The following RNF182 variants were observed in gnomAD, a reference collection of about 807,000 sequenced individuals.
RNF182 encodes ring finger protein 182, also known as E3 ubiquitin-protein ligase RNF182.
RNF182 carries 15 observed loss-of-function variants against 14.4 expected under a neutral mutation model. The ratio of observed to expected loss-of-function variants is 1.04; its 90% CI spans 0.70 to 1.60. RNF182 has a LOEUF of 1.60. Among genes scored for constraint, RNF182 ranks in the 40% most tolerant of loss-of-function variants. The pLI, the probability that RNF182 is intolerant of heterozygous loss-of-function variation, is 0.00. For synonymous variants in RNF182, 128 were observed against 122.9 expected (o/e 1.04, Z -0.27); for missense variants, 268 against 294.8 (o/e 0.91, Z 0.67).
chr6:13,971,438 T>A (rs919678431), intron 1 of RNF182, among the ~76,000 whole-genome samples: 1 of 152,160 alleles, frequency 6.6e-6, no homozygotes, highest in Non-Finnish European at 1.5e-5. Context: ...TATAAATTAC[T>A]TAGTCTTGGG....
chr6:13,957,261 A>G (rs529492012), intron 1 of RNF182, among the ~76,000 whole-genome samples: 26 of 152,344 alleles, frequency 1.7e-4, no homozygotes, highest in Non-Finnish European at 2.9e-4. Flanking sequence ...ATATATGTCA[A>G]TCAACAATGC....
intron 1 of RNF182, among the ~76,000 whole-genome samples, chr6:13,966,055 T>C (rs1239832328): frequency 6.6e-6 from 1 of 152,170 alleles, no homozygotes; most frequent in Non-Finnish European, 1.5e-5. Context: ...GTTTTAAGCT[T>C]TAAGACAAGA....
intron 1 of RNF182, among the ~76,000 whole-genome samples, chr6:13,954,740 TG>T (rs1466475249): frequency 2.6e-5 from 4 of 152,196 alleles, no homozygotes; most frequent in Non-Finnish European, 5.9e-5. Flanking sequence ...CTGGATCCTT[TG>T]TCCTGTAGAA....
At chr6:13,930,510 G>A (rs571618272) in intron 1 of RNF182, among the ~76,000 whole-genome samples, 13 of 152,286 alleles carry the variant, frequency 8.5e-5, no homozygotes, top group African/African-American at 2.9e-4. Flanking sequence ...AGGACTAAGT[G>A]ATACTCCCTT....
chr6:13,978,064 G>T lies in RNF182; in HGVS notation c.*201G>T. On this transcript the variant is annotated 3_prime_UTR_variant, in exon 3 of 3. Transcript: ENST00000488300. ...TTTCTACTTAGGGGTTAGCAAAATT[G>T]TATAAGCTCACACTTCATGGAGCAC... is the stretch of plus-strand genomic sequence containing the variant. 6 of 568,634 alleles carry T rather than the reference G, an allele frequency of 1.1e-5. No homozygotes were observed. The highest frequency in any genetic ancestry group is 3.1e-5 in the East Asian group (1 of 32,498). 35.2% of individuals were successfully genotyped at this position (568,634 alleles called of 1,614,324 possible).
chr6:13,970,152 G>A (rs1328162598), intron 1 of RNF182, among the ~76,000 whole-genome samples: 1 of 152,090 alleles, frequency 6.6e-6, no homozygotes, highest in Admixed American at 6.6e-5. Context: ...TTATATGTTG[G>A]TATTTCAAGC....
intron 1 of RNF182, among the ~76,000 whole-genome samples, chr6:13,955,566 T>C (rs1561782841): frequency 6.6e-6 from 1 of 152,234 alleles, no homozygotes; most frequent in Non-Finnish European, 1.5e-5. Context: ...CTTTCTGGAC[T>C]TAGGCCCTGT....
chr6:13,936,626 C>T (rs769466102), intron 1 of RNF182, among the ~76,000 whole-genome samples: 26 of 152,226 alleles, frequency 1.7e-4, no homozygotes, highest in Non-Finnish European at 2.9e-4. Context: ...TAGCCCTACC[C>T]TCCTGAGGCT....
intron 1 of RNF182, among the ~76,000 whole-genome samples, chr6:13,939,317 T>A (rs1759225367): frequency 6.6e-6 from 1 of 152,094 alleles, no homozygotes. Context: ...TTTATAATAT[T>A]GAGTCTTCTA....
chr6:13,937,067 A>T (rs1053107519), intron 1 of RNF182, among the ~76,000 whole-genome samples: 1 of 152,206 alleles, frequency 6.6e-6, no homozygotes, highest in Non-Finnish European at 1.5e-5. Flanking sequence ...AAAGTCTCTC[A>T]TGGTGTTGCA....
chr6:13,931,044 G>C (rs923301205), intron 1 of RNF182, among the ~76,000 whole-genome samples: 1 of 152,108 alleles, frequency 6.6e-6, no homozygotes, highest in Non-Finnish European at 1.5e-5. Context: ...AGCAAATTCA[G>C]AGTGGCAGGT....
chr6:13,974,035 C>T (rs1336322733), intron 1 of RNF182, among the ~76,000 whole-genome samples, 175 bp from the exon 2 acceptor site: 1 of 152,166 alleles, frequency 6.6e-6, no homozygotes, highest in Non-Finnish European at 1.5e-5. Context: ...ACCCAGAGAA[C>T]AACTCTGACT....
chr6:13,929,362 T>C (rs950968362), intron 1 of RNF182, among the ~76,000 whole-genome samples: 1 of 152,236 alleles, frequency 6.6e-6, no homozygotes, highest in Non-Finnish European at 1.5e-5. Context: ...CATGGTGTTT[T>C]ACATAATTTG....
At chr6:13,975,465 A>G (rs993306944) in intron 2 of RNF182, among the ~76,000 whole-genome samples, 1 of 152,114 alleles carries the variant, frequency 6.6e-6, no homozygotes, top group African/African-American at 2.4e-5. Flanking sequence ...GCATACATAT[A>G]CTGTATTTGA....
chr6:13,943,331 A>G (rs368289412), intron 1 of RNF182, among the ~76,000 whole-genome samples: 10 of 151,344 alleles, frequency 6.6e-5, no homozygotes, highest in African/African-American at 2.4e-4. Flanking sequence ...GTGTTGTCCA[A>G]GTTGTTCTTG....
At chr6:13,957,461 A>G (rs280177) in intron 1 of RNF182, among the ~76,000 whole-genome samples, 61,080 of 152,110 alleles carry the variant, frequency 0.4, 13,569 homozygotes, top group Middle Eastern at 0.52. Context: ...ATTTCCTTTT[A>G]AAACCTTTTT....
chr6:13,962,646 C>T (rs1223028642), intron 1 of RNF182, among the ~76,000 whole-genome samples: 1 of 152,128 alleles, frequency 6.6e-6, no homozygotes, highest in Non-Finnish European at 1.5e-5. Context: ...GTTACAGAGC[C>T]ATTTAAAATA....
At chr6:13,972,363 A>G (rs886736086) in intron 1 of RNF182, among the ~76,000 whole-genome samples, 13 of 152,104 alleles carry the variant, frequency 8.5e-5, no homozygotes, top group Non-Finnish European at 1.3e-4. Flanking sequence ...TTGACGATGC[A>G]ATAGAAAAGA....
At chr6:13,961,527 T>C (rs1049240956) in intron 1 of RNF182, 1 of 152,192 alleles carries the variant, frequency 6.6e-6, no homozygotes, top group African/African-American at 2.4e-5. Context: ...TCCAGAGTCT[T>C]GAAGAAGAAA....
Sources: allele counts gnomAD v4.1 joint callset (sites outside exome capture counted in the v4.1 genomes callset), GRCh38; gene constraint gnomAD v4.1.1; transcripts MANE v1.5; gene names NCBI Gene and HGNC (gene_info 2026-07-23, HGNC 2026-07-21).